ARVCF: variants seen among roughly 807,000 people sequenced by gnomAD.
ARVCF encodes ARVCF delta catenin family member.
Under a neutral mutation model 90.9 loss-of-function variants are expected in ARVCF, and 66 were observed. The observed-to-expected ratio is 0.73, with a 90% CI of 0.60 to 0.89. The LOEUF (loss-of-function observed/expected upper bound fraction) is 0.89, where lower values mean the gene tolerates loss of function less well. Ranked by LOEUF, ARVCF falls within the 40% of genes least tolerant of loss-of-function variation. The probability of loss-of-function intolerance (pLI) is 0.00; values close to 1 mark genes in which losing one functional copy is unlikely to be tolerated. For synonymous variants in ARVCF, 653 were observed against 603.4 expected (o/e 1.08, Z -1.21); for missense variants, 1,469 against 1,382.3 (o/e 1.06, Z -1.00).
At chr22:19,980,366 G>A in intron 5 of ARVCF, 124 bp from the exon 6 acceptor site, 8 of 1,355,386 alleles carry the variant, frequency 5.9e-6, no homozygotes, top group Non-Finnish European at 7.7e-6. Context: ...GAGAGCACCT[G>A]TATCTTGGCC....
chr22:19,978,522 G>A (rs1943292509), intron 7 of ARVCF, among the ~76,000 whole-genome samples: 1 of 152,192 alleles, frequency 6.6e-6, no homozygotes, highest in Non-Finnish European at 1.5e-5. Flanking sequence ...ACTCTGTGGG[G>A]TCAGCAGGGC....
At chr22:19,989,731 G>A (rs570140425) in intron 3 of ARVCF, among the ~76,000 whole-genome samples, 1 of 152,226 alleles carries the variant, frequency 6.6e-6, no homozygotes, top group South Asian at 2.1e-4. Context: ...ACAGGACTCT[G>A]CAGGGAGAGC....
chr22:19,997,053 G>C (rs1280865616), intron 2 of ARVCF, among the ~76,000 whole-genome samples: 1 of 152,226 alleles, frequency 6.6e-6, no homozygotes, highest in Non-Finnish European at 1.5e-5. Flanking sequence ...AGTGCCCAAG[G>C]CCAAAGGTGG....
At position 19,973,161 on chromosome 22, in the gene ARVCF, T is replaced by G. The variant is rs1162615553; in HGVS notation, c.2396A>C (p.Gln799Pro). ...DSLDNARSLL[Q>P]ARGVPALVAL... ...CACCAACGCTGGCACCCCGCGTGCC[T>G]GCAGGAGCGAGCGCGCGTTATCCAG... Residue 799 changes from glutamine to proline, a missense_variant, in exon 14 of 20, where the codon CAG becomes CCG. Transcript: ENST00000263207. The G allele has an allele frequency of 6.2e-7, 1 of 1,605,306 alleles. No individual in the cohort carries two copies.
chr22:20,012,571 G>A (rs1182474967), intron 1 of ARVCF, among the ~76,000 whole-genome samples: 2 of 152,266 alleles, frequency 1.3e-5, no homozygotes, highest in Non-Finnish European at 2.9e-5. Context: ...AGTACCAGCC[G>A]CCTCAAAGCG....
At chr22:19,977,644 G>A in intron 8 of ARVCF, 58 bp from the exon 9 acceptor site, 1 of 1,479,014 alleles carries the variant, frequency 6.8e-7, no homozygotes. Flanking sequence ...CTGGCCCTCA[G>A]GAAAGACTGG....
downstream of ARVCF, chr22:19,967,294 C>A (rs1280570185): frequency 6.3e-6 from 7 of 1,108,864 alleles, no homozygotes; most frequent in Non-Finnish European, 8.6e-6. Context: ...CATTCCCTGG[C>A]CCAGACTGGA....
At chr22:20,003,250 A>G (rs1201538604) in intron 2 of ARVCF, among the ~76,000 whole-genome samples, 3 of 152,204 alleles carry the variant, frequency 2.0e-5, no homozygotes, top group African/African-American at 4.8e-5. Flanking sequence ...CCTCCAGCAA[A>G]GATGGTTTCA....
rs1280352947 is a variant in ARVCF at position 19,970,642 on chromosome 22, A to T, written c.*114T>A. The T allele has an allele frequency of 7.8e-7, 1 of 1,281,138 alleles. No individual in the cohort carries two copies. Among genetic ancestry groups the T allele is most frequent in the Non-Finnish European group, 1.0e-6 (1 of 985,494 alleles). 79.4% of individuals were successfully genotyped at this position (1,281,138 alleles called of 1,614,324 possible). ...GGCTTGGCTGGGGCGAGGCGCTGCC[A>T]ACCCCTGCCGCCAGGGGGCTCCAAG... On this transcript the variant is annotated 3_prime_UTR_variant, in exon 20 of 20. Coordinates refer to ENST00000263207, the MANE Select transcript of ARVCF (RefSeq NM_001670.3).
At chr22:20,015,171 G>T (rs534591329) in intron 1 of ARVCF, among the ~76,000 whole-genome samples, 53 of 152,350 alleles carry the variant, frequency 3.5e-4, no homozygotes, top group Middle Eastern at 3.4e-3. Context: ...CTGGGCAGGG[G>T]CTGGCTTGGC....
intron 17 of ARVCF, 52 bp downstream of exon 17, chr22:19,972,306 G>GC (rs1942856337): frequency 6.2e-7 from 1 of 1,611,606 alleles, no homozygotes; most frequent in Non-Finnish European, 8.5e-7. Context: ...CCCACTTCAG[G>GC]CCTTGGTCCC....
chr22:19,985,500 T>G (rs1425336339), intron 3 of ARVCF, among the ~76,000 whole-genome samples: 1 of 152,240 alleles, frequency 6.6e-6, no homozygotes, highest in Non-Finnish European at 1.5e-5. Context: ...ATCACGCACC[T>G]TCGGCTCAGC....
At chr22:19,972,508 T>A in intron 16 of ARVCF, 97 bp from the exon 17 acceptor site, 1 of 1,455,706 alleles carries the variant, frequency 6.9e-7, no homozygotes, top group Non-Finnish European at 9.5e-7. Flanking sequence ...CCCTAGAGGC[T>A]CTCTGTCACT....
At chr22:19,994,774 T>G (rs1601646521) in intron 2 of ARVCF, among the ~76,000 whole-genome samples, 13 of 98,386 alleles carry the variant, frequency 1.3e-4, no homozygotes, top group African/African-American at 2.1e-4. Flanking sequence ...GATGGATGGG[T>G]GGGTCGGGGG....
Position 19,973,316 on chromosome 22 carries a change from C to A in ARVCF, c.2241G>T (p.Gly747=), listed in dbSNP as rs1428043871. 1.3e-6 allele frequency: 2 copies of A among 1,593,718 alleles called. No individual in the cohort carries two copies. The highest frequency in any genetic ancestry group is 1.7e-6 in the Non-Finnish European group (2 of 1,175,054). ...GCACAAGCTCAGCCATGGCGTAGCT[C>A]CCTGAGGGGCAGGACTAGGTGTCAG... The part of the protein sequence containing the change: ...SLDRRNKDLI[G]SYAMAELVRN... The change falls in exon 14 of 20, where the codon GGG becomes GGT. Residue 747 remains glycine, a splice_region_variant and synonymous_variant. Transcript: ENST00000263207.
chr22:19,983,393 C>T (rs1037000533), intron 3 of ARVCF, among the ~76,000 whole-genome samples: 41 of 152,354 alleles, frequency 2.7e-4, no homozygotes, highest in African/African-American at 9.1e-4. Flanking sequence ...AGATGCTCAG[C>T]GCTGCCCTCA....
chr22:20,003,371 T>C (rs1206024752), intron 2 of ARVCF, among the ~76,000 whole-genome samples: 3 of 152,180 alleles, frequency 2.0e-5, no homozygotes, highest in Non-Finnish European at 2.9e-5. Flanking sequence ...AGGTCAGCCT[T>C]ACCCTAATAC....
At chr22:19,996,892 G>A (rs182596583) in intron 2 of ARVCF, among the ~76,000 whole-genome samples, 253 of 152,318 alleles carry the variant, frequency 1.7e-3, no homozygotes, top group African/African-American at 5.4e-3. Flanking sequence ...AGACGCCATC[G>A]GGGGTTGGGT....
In ARVCF at chr22:19,973,079, C is replaced by A. The variant is rs762758934; in HGVS notation, c.2438+40G>T. On this transcript the variant is annotated intron_variant, in intron 14 of 19. Transcript: ENST00000263207. ...GGGTCAGTGGTGGCCCCTCCCCCAC[C>A]TCCGCGGCTCCCCAAGCCACCGACC... is the stretch of plus-strand genomic sequence containing the variant. 3.7e-5 allele frequency: 60 copies of A among 1,605,480 alleles called. No homozygotes were observed. The Admixed American group carries it at 9.6e-4, about 26-fold the overall frequency.
Sources: allele counts gnomAD v4.1 joint callset (sites outside exome capture counted in the v4.1 genomes callset), GRCh38; gene constraint gnomAD v4.1.1; transcripts MANE v1.5; gene names NCBI Gene and HGNC (gene_info 2026-07-23, HGNC 2026-07-21).